WWOX: variants seen among roughly 807,000 people sequenced by gnomAD.
The protein encoded by WWOX is WW domain-containing oxidoreductase.
WWOX carries 69 observed loss-of-function variants against 46.2 expected under a neutral mutation model. The observed-to-expected ratio is 1.49, with a 90% confidence interval of 1.23 to 1.82. WWOX has a LOEUF of 1.82. WWOX is among the 40% of genes most tolerant of loss of function. The pLI, the probability that WWOX is intolerant of heterozygous loss-of-function variation, is 0.00. For missense variants in WWOX, 919 were observed against 542.6 expected (o/e 1.69, Z -6.89); for synonymous variants, 359 against 202.6 (o/e 1.77, Z -6.56).
chr16:78,964,955 G>A (rs547692803), intron 8 of WWOX, among the ~76,000 whole-genome samples: 88 of 152,330 alleles, frequency 5.8e-4, no homozygotes, highest in African/African-American at 2.1e-3. Context: ...GAGTGTGTGG[G>A]GGCACAGAAG....
At chr16:78,778,390 A>T (rs2050244118) in intron 8 of WWOX, among the ~76,000 whole-genome samples, 1 of 152,196 alleles carries the variant, frequency 6.6e-6, no homozygotes, top group Non-Finnish European at 1.5e-5. Context: ...GCAAGACCAC[A>T]AACTAATAAA....
intron 8 of WWOX, among the ~76,000 whole-genome samples, chr16:79,134,226 T>C (rs936289558): frequency 3.9e-5 from 6 of 152,274 alleles, no homozygotes; most frequent in East Asian, 3.9e-4. Flanking sequence ...ATCCAATTTG[T>C]TATAAATAAC....
intron 6 of WWOX, among the ~76,000 whole-genome samples, chr16:78,412,739 A>G (rs534662724): frequency 6.6e-6 from 1 of 152,300 alleles, no homozygotes; most frequent in South Asian, 2.1e-4. Context: ...CTCGCCAGGC[A>G]GTTTTGAGAG....
intron 5 of WWOX, among the ~76,000 whole-genome samples, chr16:78,365,930 C>T (rs2081526400): frequency 6.6e-6 from 1 of 152,136 alleles, no homozygotes; most frequent in African/African-American, 2.4e-5. Flanking sequence ...AGTATAAATG[C>T]ATATGAACTG....
rs532838804 is a variant in WWOX, at chr16:78,491,342, A to T, written c.1056+58590A>T. Among the ~76,000 whole-genome samples the T allele has an allele frequency of 4.6e-5, 7 of 152,276 alleles. No homozygotes were observed. The South Asian group carries it at 1.4e-3, about 32-fold the overall frequency. ...CCCCTTGGGGAAAGGACCAAGTTTT[A>T]TTCCCTGTTTAACCTTGGCCTGACA... On this transcript the variant is annotated intron_variant, in intron 8 of 8. Transcript: ENST00000566780.
chr16:78,517,500 T>C (rs1265423862), intron 8 of WWOX, among the ~76,000 whole-genome samples: 1 of 152,210 alleles, frequency 6.6e-6, no homozygotes, highest in African/African-American at 2.4e-5. Context: ...CATTATGGCA[T>C]CCTAATGAAT....
chr16:79,113,594 C>A (rs374609898), intron 8 of WWOX, among the ~76,000 whole-genome samples: 1 of 152,230 alleles, frequency 6.6e-6, no homozygotes, highest in African/African-American at 2.4e-5. Flanking sequence ...CAATCCCTGT[C>A]GCCAAAGAAG....
intron 6 of WWOX, among the ~76,000 whole-genome samples, chr16:78,400,206 A>G (rs1311382088): frequency 6.6e-6 from 1 of 152,224 alleles, no homozygotes; most frequent in African/African-American, 2.4e-5. Flanking sequence ...GATATTATGC[A>G]ATAATTTATA....
At chr16:78,279,496 A>G (rs2079639005) in intron 5 of WWOX, among the ~76,000 whole-genome samples, 1 of 152,194 alleles carries the variant, frequency 6.6e-6, no homozygotes, top group Non-Finnish European at 1.5e-5. Flanking sequence ...ACCCTAAGAA[A>G]TCAATTTCAA....
intron 5 of WWOX, among the ~76,000 whole-genome samples, chr16:78,222,733 T>C (rs2036932824): frequency 6.6e-6 from 1 of 152,196 alleles, no homozygotes; most frequent in Non-Finnish European, 1.5e-5. Context: ...CGTTTCTCCA[T>C]GGTGAATTTG....
chr16:78,654,712 T>C (rs2047042620), intron 8 of WWOX, among the ~76,000 whole-genome samples: 1 of 151,908 alleles, frequency 6.6e-6, no homozygotes, highest in Non-Finnish European at 1.5e-5. Flanking sequence ...AACCTAAAAA[T>C]AAGATTTTGG....
chr16:79,104,575 C>T (rs1295899177), intron 8 of WWOX, among the ~76,000 whole-genome samples: 1 of 152,080 alleles, frequency 6.6e-6, no homozygotes, highest in Non-Finnish European at 1.5e-5. Context: ...AGTATTGATA[C>T]AAAAATACGC....
chr16:78,692,491 C>A (rs1351741798), intron 8 of WWOX, among the ~76,000 whole-genome samples: 1 of 152,198 alleles, frequency 6.6e-6, no homozygotes, highest in African/African-American at 2.4e-5. Flanking sequence ...TGGCTGACAT[C>A]TGTTCATTAA....
At chr16:78,767,886 C>T (rs1190897149) in intron 8 of WWOX, among the ~76,000 whole-genome samples, 6 of 152,138 alleles carry the variant, frequency 3.9e-5, no homozygotes, top group African/African-American at 7.2e-5. Context: ...TTGATACTCA[C>T]ATGGCTTTTT....
In WWOX at chr16:78,723,554, C is replaced by CTTCTTTTCTTTTCTTTTCTT. The variant is rs55748059; in HGVS notation, c.1056+290860_1056+290879dup. Among the ~76,000 whole-genome samples the CTTCTTTTCTTTTCTTTTCTT allele has an allele frequency of 1.9e-3, 210 of 108,482 alleles. 2 individuals carry two copies. Among genetic ancestry groups the CTTCTTTTCTTTTCTTTTCTT allele is most frequent in the East Asian group, 4.7e-3 (15 of 3,192 alleles). 71.2% of individuals were successfully genotyped at this position (108,482 alleles called of 152,430 possible). A position where few individuals can be genotyped will look rare whatever the true frequency, so the allele number is the denominator to read the frequency against. On this transcript the variant is annotated intron_variant, in intron 8 of 8. Coordinates refer to ENST00000566780, the MANE Select transcript of WWOX (RefSeq NM_016373.4). ...CACTTCTTCTACCTTGATTCCCAGC[C>CTTCTTTTCTTTTCTTTTCTT]TTCTTTTCTTTTCTTTTCTTTTCTT...
At chr16:79,048,445 A>G (rs952786221) in intron 8 of WWOX, among the ~76,000 whole-genome samples, 16 of 152,066 alleles carry the variant, frequency 1.1e-4, no homozygotes, top group Non-Finnish European at 2.4e-4. Flanking sequence ...TTAGGGCTTC[A>G]GAGTTCACGT....
intron 1 of WWOX, 156 bp downstream of exon 1, chr16:78,100,041 C>A: frequency 7.0e-7 from 1 of 1,430,092 alleles, no homozygotes; most frequent in African/African-American, 1.5e-5. Flanking sequence ...CCAGGGTTCC[C>A]AGTAGGGGCC....
intron 8 of WWOX, among the ~76,000 whole-genome samples, chr16:78,979,063 C>T (rs76441564): frequency 0.039 from 5,925 of 150,430 alleles, 147 homozygotes; most frequent in Non-Finnish European, 0.057. Flanking sequence ...CTCCTTCGTC[C>T]TCCCTGCTCA....
chr16:78,633,174 A>T (rs2046479806), intron 8 of WWOX, among the ~76,000 whole-genome samples: 2 of 152,118 alleles, frequency 1.3e-5, no homozygotes, highest in South Asian at 4.1e-4. Context: ...AGGCAGGAGA[A>T]TCGCTTGAGC....
Sources: allele counts gnomAD v4.1 joint callset (sites outside exome capture counted in the v4.1 genomes callset), GRCh38; gene constraint gnomAD v4.1.1; transcripts MANE v1.5; gene names NCBI Gene and HGNC (gene_info 2026-07-23, HGNC 2026-07-21).